The following TRAF3 variants were observed in gnomAD, a reference collection of about 807,000 sequenced individuals.
TRAF3 encodes the protein TNF receptor associated factor 3.
TRAF3 carries 13 observed loss-of-function variants against 62.3 expected under a neutral mutation model. That is an observed-to-expected ratio of 0.21 (90% CI 0.14 to 0.33). TRAF3 has a LOEUF of 0.33. Ranked by LOEUF, TRAF3 falls within the 10% of genes least tolerant of loss-of-function variation. The probability of loss-of-function intolerance (pLI) is 1.00; values close to 1 mark genes in which losing one functional copy is unlikely to be tolerated. For synonymous variants in TRAF3, 269 were observed against 283.4 expected (o/e 0.95, Z 0.51); for missense variants, 440 against 741.8 (o/e 0.59, Z 4.73).
chr14:102,903,740 G>A lies in TRAF3; in HGVS notation c.1135+311G>A. On this transcript the variant is annotated intron_variant, in intron 11 of 11. Coordinates refer to ENST00000392745, the MANE Select transcript of TRAF3 (RefSeq NM_145725.3). This position sits in a 1 kb window ranked among gnomAD's most constrained non-coding sequence, Gnocchi z 6.4. ...GGCCGCAGGGTGACCCACAGGACAG[G>A]CCCAAGCGCAGATGGCAGAGGCCAG... is the stretch of plus-strand genomic sequence containing the variant. 3.8e-6 allele frequency: 2 copies of A among 523,532 alleles called. No homozygotes were observed. The highest frequency in any genetic ancestry group is 7.4e-6 in the Non-Finnish European group (2 of 271,544). 32.4% of individuals were successfully genotyped at this position (523,532 alleles called of 1,614,324 possible).
At chr14:102,882,532 C>T (rs1889125720) in intron 6 of TRAF3, among the ~76,000 whole-genome samples, 1 of 150,206 alleles carries the variant, frequency 6.7e-6, no homozygotes, top group Non-Finnish European at 1.5e-5. Flanking sequence ...GGCCACCTCT[C>T]TTTTCAGTGA....
At position 102,905,244 on chromosome 14, in the gene TRAF3, C is replaced by A; in HGVS notation, c.1167C>A (p.Asp389Glu). The A allele has an allele frequency of 1.2e-6, 2 of 1,614,120 alleles. No homozygotes were observed. Among genetic ancestry groups the A allele is most frequent in the Non-Finnish European group, 1.7e-6 (2 of 1,180,048 alleles). ...GLLESQLSRH[D>E]QMLSVHDIRL... ...TGGAGTCCCAGCTGAGCCGGCATGACCAGATGCTGAGTGTGCACGACATCC... is the reference window on the plus strand; with the variant it reads ...TGGAGTCCCAGCTGAGCCGGCATGAACAGATGCTGAGTGTGCACGACATCC... The change falls in exon 12 of 12, where the codon GAC becomes GAA. Residue 389 changes from aspartate to glutamate, a missense_variant. By Grantham distance (45) the Asp-to-Glu change is conservative. Coordinates refer to ENST00000392745, the MANE Select transcript of TRAF3 (RefSeq NM_145725.3).
intron 1 of TRAF3, among the ~76,000 whole-genome samples, chr14:102,785,936 G>A (rs931060040): frequency 6.6e-6 from 1 of 152,280 alleles, no homozygotes; most frequent in African/African-American, 2.4e-5. Context: ...AGGTGGTGGC[G>A]TGAGAGCCTT....
chr14:102,866,077 A>C (rs1341731050), intron 2 of TRAF3: 1 of 152,188 alleles, frequency 6.6e-6, no homozygotes, highest in Non-Finnish European at 1.5e-5. Flanking sequence ...GCACATATAC[A>C]CCGTGGAATA....
intron 1 of TRAF3, among the ~76,000 whole-genome samples, chr14:102,827,696 T>G (rs574983122): frequency 1.3e-5 from 2 of 152,334 alleles, no homozygotes; most frequent in Admixed American, 6.5e-5. Flanking sequence ...CTCACTAAAC[T>G]TAGTATTGCA....
At chr14:102,901,859 G>T (rs981973933) in intron 10 of TRAF3, among the ~76,000 whole-genome samples, 2 of 152,222 alleles carry the variant, frequency 1.3e-5, no homozygotes, top group South Asian at 4.1e-4. Flanking sequence ...AATTCAGGGG[G>T]CCCTGGGGCC....
chr14:102,890,919 A>G (rs1889674000), intron 8 of TRAF3, among the ~76,000 whole-genome samples: 1 of 152,208 alleles, frequency 6.6e-6, no homozygotes, highest in Non-Finnish European at 1.5e-5. Flanking sequence ...TCTCGCTACA[A>G]CTACAGGTAT....
At chr14:102,846,899 C>T (rs1209993064) in intron 2 of TRAF3, among the ~76,000 whole-genome samples, 1 of 152,180 alleles carries the variant, frequency 6.6e-6, no homozygotes, top group Non-Finnish European at 1.5e-5. Context: ...ATAGAGGCAC[C>T]CAGCCTTTCT....
At chr14:102,870,101 C>A in intron 2 of TRAF3, 84 bp from the exon 3 acceptor site, 1 of 1,569,992 alleles carries the variant, frequency 6.4e-7, no homozygotes, top group Non-Finnish European at 8.8e-7. Flanking sequence ...GACAGCAGGT[C>A]TCAGGCACTT....
chr14:102,807,183 C>G (rs2092972), intron 1 of TRAF3, among the ~76,000 whole-genome samples: 1 of 152,172 alleles, frequency 6.6e-6, no homozygotes, highest in Non-Finnish European at 1.5e-5. Context: ...CCCTGAAAAC[C>G]CTTTACGGCC....
At chr14:102,841,864 G>T (rs141344993) in intron 2 of TRAF3, among the ~76,000 whole-genome samples, 3 of 151,976 alleles carry the variant, frequency 2.0e-5, no homozygotes, top group African/African-American at 7.3e-5. Flanking sequence ...AACATAAAAC[G>T]TAGAGAAAAA....
intron 9 of TRAF3, among the ~76,000 whole-genome samples, chr14:102,894,047 C>T (rs898153271): frequency 1.3e-4 from 20 of 152,182 alleles, no homozygotes; most frequent in Non-Finnish European, 2.2e-4. Context: ...TGATCCTCAG[C>T]TGGGCGCGGT....
chr14:102,782,780 C>T (rs1056047607), intron 1 of TRAF3, among the ~76,000 whole-genome samples: 2 of 151,892 alleles, frequency 1.3e-5, no homozygotes, highest in African/African-American at 4.8e-5. Flanking sequence ...GATATGGCGA[C>T]CTGCTGCTTG....
chr14:102,878,373 T>TG (rs1566791719), intron 6 of TRAF3, among the ~76,000 whole-genome samples: 2 of 97,092 alleles, frequency 2.1e-5, no homozygotes, highest in African/African-American at 4.2e-5. Flanking sequence ...TAAGTGTGTG[T>TG]GGGGGTGAGT....
In TRAF3 at chr14:102,846,007, AAAT is replaced by A. The variant is rs1478601673; in HGVS notation, c.-18+15537_-18+15539del. Among the ~76,000 whole-genome samples the A allele has an allele frequency of 1.1e-4, 10 of 90,102 alleles. 1 individual carries two copies. Among genetic ancestry groups the A allele is most frequent in the African/African-American group, 4.1e-4 (7 of 17,234 alleles). 59.1% of individuals were successfully genotyped at this position (90,102 alleles called of 152,430 possible). ...AAAAAAAAAAAAAAAAAAAAAAAAA[AAAT>A]ACTATTATACCGCTGTTCAGTTAGC... On this transcript the variant is annotated intron_variant, in intron 2 of 11. Coordinates refer to ENST00000392745, the MANE Select transcript of TRAF3 (RefSeq NM_145725.3).
chr14:102,900,278 G>C (rs540269999), intron 10 of TRAF3, among the ~76,000 whole-genome samples: 1 of 151,952 alleles, frequency 6.6e-6, no homozygotes, highest in South Asian at 2.1e-4. Context: ...CGAGGCGGGT[G>C]GATCACGAGG....
intron 2 of TRAF3, among the ~76,000 whole-genome samples, chr14:102,849,329 C>T (rs1886900170): frequency 6.6e-6 from 1 of 152,254 alleles, no homozygotes; most frequent in Admixed American, 6.5e-5. Context: ...GAAGTGCTGC[C>T]TGCACTTGGT....
intron 1 of TRAF3, among the ~76,000 whole-genome samples, chr14:102,784,202 G>A (rs185084086): frequency 1.2e-3 from 179 of 149,894 alleles, no homozygotes; most frequent in African/African-American, 3.8e-3. Context: ...TTGCTCCTGG[G>A]AAGATGCTTG....
In TRAF3 at chr14:102,881,969, G is replaced by T. The variant is rs570390215; in HGVS notation, c.571-4220G>T. 4.2e-4 allele frequency among the ~76,000 whole-genome samples: 64 copies of T among 152,306 alleles called. 1 individual carries two copies. Among genetic ancestry groups the T allele is most frequent in the Admixed American group, 4.1e-3 (63 of 15,296 alleles). Reference sequence around the variant, plus strand: ...CGAAATGGCGTCAGACCCTGCCCTGGTTGCTTAGGATGCACAGGAGAATAA... The same window carrying T: ...CGAAATGGCGTCAGACCCTGCCCTGTTTGCTTAGGATGCACAGGAGAATAA... On this transcript the variant is annotated intron_variant, in intron 6 of 11. Transcript: ENST00000392745.
Sources: allele counts gnomAD v4.1 joint callset (sites outside exome capture counted in the v4.1 genomes callset), GRCh38; gene constraint gnomAD v4.1.1; non-coding constraint Gnocchi (gnomAD v3.1); transcripts MANE v1.5; gene names NCBI Gene and HGNC (gene_info 2026-07-23, HGNC 2026-07-21).